The following SV2C variants were observed in gnomAD, a reference collection of about 807,000 sequenced individuals.
The protein encoded by SV2C is synaptic vesicle glycoprotein 2C, also known as solute carrier family 22 member B3.
SV2C carries 49 observed loss-of-function variants against 79.7 expected under a neutral mutation model. The ratio of observed to expected loss-of-function variants is 0.61; its 90% CI spans 0.49 to 0.78. The LOEUF is 0.78. SV2C is among the 30% of genes least tolerant of loss of function. SV2C has a pLI of 0.00. For synonymous variants in SV2C, 334 were observed against 333.2 expected, an observed-to-expected ratio of 1.00 and a Z score of -0.03; for missense variants, 833 against 912.9, an observed-to-expected ratio of 0.91 and a Z score of 1.13.
chr5:75,980,146 A>T, the SV2C span, among the ~76,000 whole-genome samples: 1 of 152,180 alleles, frequency 6.6e-6, no homozygotes, highest in Non-Finnish European at 1.5e-5. Context: ...GGACACATAC[A>T]TCCTGCCAAA....
chr5:76,169,549 T>C (rs540922269), intron 2 of SV2C, among the ~76,000 whole-genome samples: 5 of 152,358 alleles, frequency 3.3e-5, no homozygotes, highest in Admixed American at 3.3e-4. Context: ...AAAACTGTTA[T>C]GTTTCTCAGT....
intron 4 of SV2C, among the ~76,000 whole-genome samples, chr5:76,276,392 G>T (rs572282001): frequency 1.3e-5 from 2 of 152,318 alleles, no homozygotes; most frequent in East Asian, 3.9e-4. Flanking sequence ...CACAAGGCAG[G>T]AGGAGTACCC....
chr5:76,077,537 A>C, the SV2C span, among the ~76,000 whole-genome samples: 2 of 152,214 alleles, frequency 1.3e-5, no homozygotes, highest in African/African-American at 2.4e-5. Context: ...TGAGTTACCC[A>C]AACTCAGTGT....
intron 2 of SV2C, among the ~76,000 whole-genome samples, chr5:76,144,635 G>A (rs1431183941): frequency 6.6e-6 from 1 of 152,186 alleles, no homozygotes; most frequent in Non-Finnish European, 1.5e-5. Flanking sequence ...GGAACCTGAG[G>A]AGATACAAAA....
the SV2C span, among the ~76,000 whole-genome samples, chr5:76,024,448 C>A: frequency 6.6e-6 from 1 of 152,236 alleles, no homozygotes; most frequent in African/African-American, 2.4e-5. Context: ...TTTTCATGTT[C>A]CATGAAACCA....
chr5:75,978,535 A>G, the SV2C span, among the ~76,000 whole-genome samples: 1 of 152,146 alleles, frequency 6.6e-6, no homozygotes, highest in Non-Finnish European at 1.5e-5. Flanking sequence ...ATTGATGCCC[A>G]TCTTATAATC....
At chr5:76,346,712 GAC>G (rs1165988177) in intron 12 of SV2C, among the ~76,000 whole-genome samples, 1 of 152,204 alleles carries the variant, frequency 6.6e-6, no homozygotes, top group Non-Finnish European at 1.5e-5. Context: ...ACACATAGCA[GAC>G]ACAAAACTCA....
chr5:76,318,663 A>T (rs1277559656), intron 12 of SV2C, among the ~76,000 whole-genome samples: 4 of 152,170 alleles, frequency 2.6e-5, no homozygotes, highest in South Asian at 4.1e-4. Context: ...AGCTGCAGTC[A>T]CAGGGTACTT....
the SV2C span, among the ~76,000 whole-genome samples, chr5:75,975,867 C>T: frequency 6.6e-6 from 1 of 152,148 alleles, no homozygotes; most frequent in Non-Finnish European, 1.5e-5. Flanking sequence ...TACAGCTCTA[C>T]ATAAAACTGT....
intron 12 of SV2C, among the ~76,000 whole-genome samples, chr5:76,304,103 C>G (rs1748105732): frequency 6.6e-6 from 1 of 152,200 alleles, no homozygotes; most frequent in Non-Finnish European, 1.5e-5. Context: ...GGGAAAACAC[C>G]TCTGTGCACA....
the SV2C span, among the ~76,000 whole-genome samples, chr5:76,030,482 AACTATT>A: frequency 2.0e-5 from 3 of 152,134 alleles, no homozygotes; most frequent in South Asian, 6.2e-4. Context: ...GCCATCTGGG[AACTATT>A]ACCCTAGCAA....
At chr5:76,221,473 G>C (rs1401617015) in intron 4 of SV2C, among the ~76,000 whole-genome samples, 3 of 152,190 alleles carry the variant, frequency 2.0e-5, no homozygotes, top group South Asian at 4.1e-4. Context: ...ATCCTTAGGG[G>C]TGCCGCCTGC....
chr5:76,124,882 G>A (rs1285562004), intron 1 of SV2C, among the ~76,000 whole-genome samples: 1 of 152,176 alleles, frequency 6.6e-6, no homozygotes, highest in Non-Finnish European at 1.5e-5. Context: ...CGGAAAGAAA[G>A]ATTCTGTACT....
the SV2C span, among the ~76,000 whole-genome samples, chr5:75,946,228 A>T: frequency 2.6e-5 from 4 of 152,122 alleles, no homozygotes; most frequent in Non-Finnish European, 2.9e-5. Context: ...TACAGAACCT[A>T]CAGATATTAG....
chr5:76,038,929 G>T, the SV2C span, among the ~76,000 whole-genome samples: 1 of 152,264 alleles, frequency 6.6e-6, no homozygotes, highest in South Asian at 2.1e-4. Context: ...CTTCAATCAG[G>T]TCTCCTCCTT....
intron 12 of SV2C, among the ~76,000 whole-genome samples, chr5:76,317,440 C>CA (rs1375880777): frequency 6.6e-6 from 1 of 151,402 alleles, no homozygotes; most frequent in African/African-American, 2.4e-5. Context: ...ACCACCCCCC[C>CA]CAACACACAC....
At chr5:75,868,231 G>T in the SV2C span, among the ~76,000 whole-genome samples, 1 of 152,152 alleles carries the variant, frequency 6.6e-6, no homozygotes, top group Non-Finnish European at 1.5e-5. Flanking sequence ...GAAACTTAAG[G>T]TATAGGAAGG....
chr5:76,268,949 T>A (rs750819340), intron 4 of SV2C, among the ~76,000 whole-genome samples: 5 of 152,110 alleles, frequency 3.3e-5, no homozygotes, highest in Non-Finnish European at 7.4e-5. Context: ...TAAAAAGGGG[T>A]CTCCTAAAAG....
chr5:75,917,400 CTG>C, the SV2C span, among the ~76,000 whole-genome samples: 2 of 152,244 alleles, frequency 1.3e-5, no homozygotes, highest in South Asian at 4.1e-4. Context: ...ATGCTTGACA[CTG>C]TGCTAAGGAA....
Sources: allele counts gnomAD v4.1 joint callset (sites outside exome capture counted in the v4.1 genomes callset), GRCh38; gene constraint gnomAD v4.1.1; transcripts MANE v1.5; gene names NCBI Gene and HGNC (gene_info 2026-07-23, HGNC 2026-07-21).